RALGPS2: variants seen among roughly 807,000 people sequenced by gnomAD.
RALGPS2 encodes ras-specific guanine nucleotide-releasing factor RalGPS2.
In RALGPS2, 43 loss-of-function variants were observed where a neutral mutation model predicts 86.8. The observed-to-expected ratio is 0.50, with a 90% CI of 0.39 to 0.64. The LOEUF is 0.64. Among genes scored for constraint, RALGPS2 ranks in the 30% least tolerant of loss-of-function variants. The pLI is 0.00. For synonymous variants in RALGPS2, 243 were observed against 231.3 expected (o/e 1.05, Z -0.46); for missense variants, 536 against 694.6 (o/e 0.77, Z 2.57).
chr1:178,905,528 T>C (rs986857475), intron 18 of RALGPS2, among the ~76,000 whole-genome samples: 2 of 152,220 alleles, frequency 1.3e-5, no homozygotes, highest in African/African-American at 4.8e-5. Flanking sequence ...AAGAAACAAT[T>C]ACTTCAGAAA....
chr1:178,726,632 T>G (rs569757732), intron 1 of RALGPS2, among the ~76,000 whole-genome samples: 158 of 152,294 alleles, frequency 1.0e-3, no homozygotes, highest in African/African-American at 2.7e-3. Flanking sequence ...TTAATTGAGC[T>G]TTATCGTTTA....
chr1:178,803,634 T>G (rs1006248211), intron 4 of RALGPS2, among the ~76,000 whole-genome samples: 4 of 152,184 alleles, frequency 2.6e-5, no homozygotes, highest in Non-Finnish European at 4.4e-5. Context: ...AATGATCATA[T>G]AGCTAGGCTA....
chr1:178,851,309 GCAGTTTCCTTTGAGGAAAAAATA>G, intron 8 of RALGPS2: 1 of 1,606,264 alleles, frequency 6.2e-7, no homozygotes, highest in Non-Finnish European at 8.5e-7. Context: ...GAAAGTGGGC[GCAGTTTCCTTTGAGGAAAAAATA>G]CAGATATAAA....
At chr1:178,751,592 G>A (rs1004091029) in intron 1 of RALGPS2, among the ~76,000 whole-genome samples, 1 of 152,086 alleles carries the variant, frequency 6.6e-6, no homozygotes, top group Admixed American at 6.5e-5. Flanking sequence ...TCTTAGAGGA[G>A]TATTAGAATA....
rs191787649 is a variant in RALGPS2 at position 178,753,246 on chromosome 1, G to A, written c.-83-23436G>A. 1.7e-3 allele frequency among the ~76,000 whole-genome samples: 265 copies of A among 152,168 alleles called. 1 individual carries two copies. The highest frequency in any genetic ancestry group is 3.4e-3 in the Middle Eastern group (1 of 294). ...ATTTGTCCTTTTTTTTCCTGCCTTC[G>A]TATTCTTTCATTCTTACACATTTGA... is the stretch of plus-strand genomic sequence containing the variant. On this transcript the variant is annotated intron_variant, in intron 1 of 19. Coordinates refer to ENST00000367635, the MANE Select transcript of RALGPS2 (RefSeq NM_152663.5).
intron 1 of RALGPS2, among the ~76,000 whole-genome samples, chr1:178,769,197 G>A (rs564097019): frequency 6.6e-6 from 1 of 151,906 alleles, no homozygotes; most frequent in African/African-American, 2.4e-5. Flanking sequence ...TACCCAGGAA[G>A]GGTGGGGCAG....
chr1:178,908,132 T>G (rs1017562764), intron 19 of RALGPS2, among the ~76,000 whole-genome samples: 1 of 152,188 alleles, frequency 6.6e-6, no homozygotes, highest in African/African-American at 2.4e-5. Context: ...GTTCCCATCT[T>G]TGTGTCTAGG....
In RALGPS2 at chr1:178,917,276, G is replaced by GT. The variant is rs1448521307; in HGVS notation, c.*921dup. Reference sequence around the variant, plus strand: ...TTAGATCTTTTTCCAAGTTAATTGGGTTTTCCCTTCTCCCAGTCATAGGTG... The same window carrying GT: ...TTAGATCTTTTTCCAAGTTAATTGGGTTTTTCCCTTCTCCCAGTCATAGGTG... On this transcript the variant is annotated 3_prime_UTR_variant, in exon 20 of 20. Transcript: ENST00000367635. 2.6e-5 allele frequency: 4 copies of GT among 152,034 alleles called. No homozygotes were observed. The highest frequency in any genetic ancestry group is 9.7e-5 in the African/African-American group (4 of 41,404). The allele number at this position is 152,034 out of a possible 1,614,324, so 9.4% of individuals were successfully genotyped here.
intron 7 of RALGPS2, among the ~76,000 whole-genome samples, chr1:178,825,117 T>A (rs756205144): frequency 6.6e-6 from 1 of 152,196 alleles, no homozygotes; most frequent in African/African-American, 2.4e-5. Context: ...GACTTTTTTT[T>A]AATCATGAAT....
chr1:178,875,884 C>T (rs140727257), intron 8 of RALGPS2, among the ~76,000 whole-genome samples: 2 of 152,032 alleles, frequency 1.3e-5, no homozygotes, highest in African/African-American at 2.4e-5. Flanking sequence ...GTTGAGATTT[C>T]GGAAGAAGAG....
At chr1:178,810,763 G>A (rs1654939263) in intron 5 of RALGPS2, among the ~76,000 whole-genome samples, 1 of 151,806 alleles carries the variant, frequency 6.6e-6, no homozygotes, top group Non-Finnish European at 1.5e-5. Context: ...AGAAATATGA[G>A]GCAGTGGCAT....
intron 19 of RALGPS2, among the ~76,000 whole-genome samples, chr1:178,909,331 A>G (rs1660514828): frequency 6.6e-6 from 1 of 152,166 alleles, no homozygotes; most frequent in South Asian, 2.1e-4. Context: ...CTTGTAGTAT[A>G]GTTTGAAGTC....
rs139383473 is a variant in RALGPS2 at position 178,853,214 on chromosome 1, G to A, written c.607+19664G>A. 13 of 985,182 alleles carry A rather than the reference G, an allele frequency of 1.3e-5. No individual in the cohort carries two copies. In the East Asian group the frequency reaches 1.0e-3, roughly 77 times the overall value. The allele number at this position is 985,182 out of a possible 1,614,324, so 61.0% of individuals were successfully genotyped here. ...CCTACAAATAAGACAATGCAAATGA[G>A]AATAAAATTTATCCATAGCTACTAA... On this transcript the variant is annotated intron_variant, in intron 8 of 19. Transcript: ENST00000367635.
At position 178,846,037 on chromosome 1, in the gene RALGPS2, G is replaced by A. The variant is rs112563130; in HGVS notation, c.607+12487G>A. ...CATATATTGAATTGTTAAATATTCA[G>A]TAGAATATAGTTATTTAGTTTTAGA... is the stretch of plus-strand genomic sequence containing the variant. On this transcript the variant is annotated intron_variant, in intron 8 of 19. Transcript: ENST00000367635. Among the ~76,000 whole-genome samples, 193 of 152,300 alleles carry A rather than the reference G, an allele frequency of 1.3e-3. 2 individuals carry two copies. Among genetic ancestry groups the A allele is most frequent in the African/African-American group, 4.3e-3 (177 of 41,574 alleles).
intron 19 of RALGPS2, among the ~76,000 whole-genome samples, chr1:178,909,147 A>G (rs1447194435): frequency 2.0e-5 from 3 of 152,214 alleles, no homozygotes; most frequent in African/African-American, 7.2e-5. Context: ...CTAGCAGCAT[A>G]TTGAATAGGG....
chr1:178,748,250 G>A (rs539150541), intron 1 of RALGPS2, among the ~76,000 whole-genome samples: 1 of 151,854 alleles, frequency 6.6e-6, no homozygotes, highest in East Asian at 2.0e-4. Context: ...AACCTGGGAG[G>A]TGGAGGTTGT....
intron 4 of RALGPS2, among the ~76,000 whole-genome samples, chr1:178,789,518 T>C (rs1653847450): frequency 1.3e-5 from 2 of 152,200 alleles, no homozygotes. Flanking sequence ...CAATGCACCC[T>C]TGTGGAGAAA....
Position 178,879,001 on chromosome 1 carries a change from G to T in RALGPS2, c.836+9G>T, listed in dbSNP as rs1659113805. The T allele has an allele frequency of 6.2e-7, 1 of 1,611,420 alleles. No individual in the cohort carries two copies. Among genetic ancestry groups the T allele is most frequent in the Non-Finnish European group, 8.5e-7 (1 of 1,179,038 alleles). On this transcript the variant is annotated intron_variant, in intron 10 of 19. Coordinates refer to ENST00000367635, the MANE Select transcript of RALGPS2 (RefSeq NM_152663.5). ...GAAGACGATAATTACAAGTAGGTTG[G>T]ATCTTCAAAAGTGGTTTGTATAACT...
chr1:178,872,518 C>G (rs1450876018), intron 8 of RALGPS2, among the ~76,000 whole-genome samples: 1 of 152,174 alleles, frequency 6.6e-6, no homozygotes, highest in Non-Finnish European at 1.5e-5. Flanking sequence ...ACAGTGTTGC[C>G]AGATCTTCCC....
Sources: allele counts gnomAD v4.1 joint callset (sites outside exome capture counted in the v4.1 genomes callset), GRCh38; gene constraint gnomAD v4.1.1; transcripts MANE v1.5; gene names NCBI Gene and HGNC (gene_info 2026-07-23, HGNC 2026-07-21).